The following GABRA5 variants were observed in gnomAD, a reference collection of about 807,000 sequenced individuals.
GABRA5 encodes gamma-aminobutyric acid type A receptor subunit alpha5.
Under a neutral mutation model 47.3 loss-of-function variants are expected in GABRA5, and 18 were observed. The observed-to-expected ratio is 0.38, with a 90% CI of 0.26 to 0.56. GABRA5 has a LOEUF of 0.56. Ranked by LOEUF, GABRA5 falls within the 20% of genes least tolerant of loss-of-function variation. The pLI is 0.71. For synonymous variants in GABRA5, 237 were observed against 229.3 expected (o/e 1.03, Z -0.30); for missense variants, 365 against 599.3 (o/e 0.61, Z 4.08).
chr15:26,915,078 A>T (rs564191294), intron 7 of GABRA5, among the ~76,000 whole-genome samples, 193 bp downstream of exon 7: 3 of 152,362 alleles, frequency 2.0e-5, no homozygotes, highest in African/African-American at 7.2e-5. Context: ...CACCTGCCAT[A>T]CATCACAGAT....
chr15:26,877,327 C>T (rs1279771732), intron 3 of GABRA5, among the ~76,000 whole-genome samples: 2 of 152,190 alleles, frequency 1.3e-5, no homozygotes, highest in African/African-American at 4.8e-5. Context: ...CTTAAGTGAT[C>T]GGTAATGGGC....
At chr15:26,888,886 T>A (rs560573168) in intron 6 of GABRA5, among the ~76,000 whole-genome samples, 27 of 152,186 alleles carry the variant, frequency 1.8e-4, no homozygotes, top group Non-Finnish European at 2.8e-4. Context: ...CTTGTGTGAC[T>A]GCAACAGGCA....
At position 26,939,950 on chromosome 15, in the gene GABRA5, C is replaced by T; in HGVS notation, c.750C>T (p.His250=). The T allele has an allele frequency of 6.2e-7, 1 of 1,614,032 alleles. No individual in the cohort carries two copies. Among genetic ancestry groups the T allele is most frequent in the Non-Finnish European group, 8.5e-7 (1 of 1,179,910 alleles). Residue 250 remains histidine, a synonymous_variant, in exon 9 of 11, where the codon CAC becomes CAT. Transcript: ENST00000335625. The part of the protein sequence containing the change: ...STGEYTIMTA[H]FHLKRKIGYF... ...GCGAATACACAATCATGACAGCTCA[C>T]TTCCACCTGAAAAGGAAGATTGGCT...
chr15:26,883,557 G>A lies in GABRA5; in HGVS notation c.497G>A (p.Arg166His), dbSNP rs1892794043. 6 of 1,596,076 alleles carry A rather than the reference G, an allele frequency of 3.8e-6. No homozygotes were observed. The highest frequency in any genetic ancestry group is 5.1e-6 in the Non-Finnish European group (6 of 1,172,010). ...GACGGCACCCTGCTCTACACCATGC[G>A]GTGAGCGCCGGGCGGGGGCGGGCGG... The part of the protein sequence containing the change: ...EDDGTLLYTM[R>H]LTISAECPMQ... The change falls in exon 6 of 11, where the codon CGC (arginine) becomes CAC (histidine). Residue 166 changes from arginine to histidine, a missense_variant and splice_region_variant. This residue lies in a region of GABRA5 where 216 missense variants were observed against 335.3 expected (regional missense o/e 0.64). Coordinates refer to ENST00000335625, the MANE Select transcript of GABRA5 (RefSeq NM_000810.4). The surrounding 1 kb of genome is among the most constrained non-coding windows in gnomAD (Gnocchi z 4.8).
At chr15:26,875,673 G>A (rs1892579578) in intron 3 of GABRA5, among the ~76,000 whole-genome samples, 1 of 152,110 alleles carries the variant, frequency 6.6e-6, no homozygotes, top group Non-Finnish European at 1.5e-5. Flanking sequence ...CAGCGGAGGG[G>A]CAGGCGTGAG....
At chr15:26,896,984 AG>A (rs2140275723) in intron 6 of GABRA5, among the ~76,000 whole-genome samples, 1 of 66,622 alleles carries the variant, frequency 1.5e-5, no homozygotes, top group South Asian at 4.6e-4. Context: ...TCTACATCTT[AG>A]AGATGTAGAG....
At chr15:26,947,828 C>A in intron 10 of GABRA5, 106 bp from the exon 11 acceptor site, 1 of 1,023,952 alleles carries the variant, frequency 9.8e-7, no homozygotes, top group Non-Finnish European at 1.4e-6. Context: ...CTCTCCCAGG[C>A]TAAACAGGTG....
chr15:26,880,987 C>G lies in GABRA5; in HGVS notation c.208+20C>G. On this transcript the variant is annotated intron_variant, in intron 4 of 10. Coordinates refer to ENST00000335625, the MANE Select transcript of GABRA5 (RefSeq NM_000810.4). ...TGGGAGGTGAGTGTGCTCTCCTCAG[C>G]TGAGCCCAGCAAGGATCCAGGAAGG... The G allele has an allele frequency of 6.2e-7, 1 of 1,612,652 alleles. No individual in the cohort carries two copies. Among genetic ancestry groups the G allele is most frequent in the Non-Finnish European group, 8.5e-7 (1 of 1,179,360 alleles).
At chr15:26,884,212 G>T (rs1566866642) in intron 6 of GABRA5, among the ~76,000 whole-genome samples, 1 of 151,842 alleles carries the variant, frequency 6.6e-6, no homozygotes, top group Non-Finnish European at 1.5e-5. Flanking sequence ...AAAAAGAAGG[G>T]AATTTTTTAT....
intron 6 of GABRA5, among the ~76,000 whole-genome samples, chr15:26,886,550 G>T (rs1455180032): frequency 6.6e-6 from 1 of 152,204 alleles, no homozygotes; most frequent in Non-Finnish European, 1.5e-5. Flanking sequence ...GAGAGAGTAA[G>T]GCTTAGGGGT....
At position 26,876,631 on chromosome 15, in the gene GABRA5, C is replaced by T. The variant is rs192688282; in HGVS notation, c.87-4215C>T. ...TGGGATGCAGGTAGTGAAGGCCTGG[C>T]AGAGTGGTTACAAGAGAAGGGAGGG... is the stretch of plus-strand genomic sequence containing the variant. On this transcript the variant is annotated intron_variant, in intron 3 of 10. Transcript: ENST00000335625. Among the ~76,000 whole-genome samples, 5 of 152,178 alleles carry T rather than the reference C, an allele frequency of 3.3e-5. No individual in the cohort carries two copies. The East Asian group carries it at 9.7e-4, about 29-fold the overall frequency.
At chr15:26,871,015 G>A (rs974774270) in intron 3 of GABRA5, among the ~76,000 whole-genome samples, 29 of 152,198 alleles carry the variant, frequency 1.9e-4, no homozygotes, top group African/African-American at 7.0e-4. Context: ...CTGACATGGT[G>A]AAACCCCATC....
At chr15:26,887,068 G>A (rs189505240) in intron 6 of GABRA5, among the ~76,000 whole-genome samples, 1 of 152,298 alleles carries the variant, frequency 6.6e-6, no homozygotes, top group Admixed American at 6.5e-5. Flanking sequence ...ACACTGTCAA[G>A]TCATGGAAAG....
chr15:26,883,652 T>A lies in GABRA5; in HGVS notation c.497+95T>A. 1 of 1,004,410 alleles carries A rather than the reference T, an allele frequency of 1.0e-6. No individual in the cohort carries two copies. The highest frequency in any genetic ancestry group is 1.4e-6 in the Non-Finnish European group (1 of 710,820). The allele number at this position is 1,004,410 out of a possible 1,614,324, so 62.2% of individuals were successfully genotyped here. A position where few individuals can be genotyped will look rare whatever the true frequency, so the allele number is the denominator to read the frequency against. On this transcript the variant is annotated intron_variant, in intron 6 of 10. Transcript: ENST00000335625. This position sits in a 1 kb window ranked among gnomAD's most constrained non-coding sequence, Gnocchi z 4.8. ...CAAGAGCTGCGCCGCGGAGCTGTTCTGACCATAGGTCTGAGACTGCGGCGC... is the reference window on the plus strand; with the variant it reads ...CAAGAGCTGCGCCGCGGAGCTGTTCAGACCATAGGTCTGAGACTGCGGCGC...
intron 7 of GABRA5, among the ~76,000 whole-genome samples, chr15:26,932,435 G>GA (rs1894130808): frequency 6.6e-6 from 1 of 152,212 alleles, no homozygotes; most frequent in Admixed American, 6.5e-5. Context: ...ACACCAGTCA[G>GA]AATGGTGATT....
rs1234456845 is a variant in GABRA5 at position 26,867,436 on chromosome 15, G to C, written c.-140+325G>C. On this transcript the variant is annotated intron_variant, in intron 1 of 10. Transcript: ENST00000335625. The surrounding 1 kb of genome is among the most constrained non-coding windows in gnomAD (Gnocchi z 5.9). ...GCAGTGGGGTAAGAGGACGCGAGCG[G>C]GGAAGAGGACCGGCCGCCCCGGCTC... The C allele has an allele frequency of 6.6e-6, 1 of 152,060 alleles. No homozygotes were observed. The highest frequency in any genetic ancestry group is 2.0e-4 in the East Asian group (1 of 5,084). 9.4% of individuals were successfully genotyped at this position (152,060 alleles called of 1,614,324 possible).
intron 6 of GABRA5, among the ~76,000 whole-genome samples, chr15:26,910,586 C>G (rs983309540): frequency 1.9e-4 from 20 of 107,570 alleles, no homozygotes; most frequent in Non-Finnish European, 3.0e-4. Context: ...GGTGACAGAA[C>G]GAGACTCCAT....
chr15:26,926,797 G>A (rs7173260), intron 7 of GABRA5, among the ~76,000 whole-genome samples: 67,004 of 151,952 alleles, frequency 0.44, 15,077 homozygotes, highest in Middle Eastern at 0.61. Flanking sequence ...TCAAGTCAAC[G>A]TGATACCCAG....
rs998232110 is a variant in GABRA5 at position 26,948,940 on chromosome 15, C to G, written c.*707C>G. On this transcript the variant is annotated 3_prime_UTR_variant, in exon 11 of 11. Transcript: ENST00000335625. ...TACCCCACACCACCCACTACCTGAA[C>G]AATAGCCAAGAAAGGAAAGGAGATG... 3.3e-5 allele frequency: 5 copies of G among 152,250 alleles called. No homozygotes were observed. Among genetic ancestry groups the G allele is most frequent in the African/African-American group, 1.2e-4 (5 of 41,542 alleles). 9.4% of individuals were successfully genotyped at this position (152,250 alleles called of 1,614,324 possible).
Sources: gnomAD v4.1 joint callset for allele counts (sites outside exome capture counted in the v4.1 genomes callset) on GRCh38, gnomAD v4.1.1 for gene constraint, gnomAD v4.1.1 regional missense constraint, Gnocchi (gnomAD v3.1) non-coding constraint, MANE v1.5 for transcripts, NCBI Gene and HGNC (gene_info 2026-07-23, HGNC 2026-07-21) for gene names.